The following KHDRBS3 variants were observed in gnomAD, a reference collection of about 807,000 sequenced individuals.
The protein encoded by KHDRBS3 is KH domain-containing, RNA-binding, signal transduction-associated protein 3.
KHDRBS3 carries 23 observed loss-of-function variants against 45.6 expected under a neutral mutation model. The ratio of observed to expected loss-of-function variants is 0.50; its 90% confidence interval spans 0.36 to 0.72. The LOEUF is 0.72. Among genes scored for constraint, KHDRBS3 ranks in the 30% least tolerant of loss-of-function variants. The pLI is 0.00. For synonymous variants in KHDRBS3, 162 were observed against 156.5 expected (o/e 1.04, Z -0.26); for missense variants, 352 against 424.8 (o/e 0.83, Z 1.51).
chr8:135,470,707 T>A (rs1821974555), intron 1 of KHDRBS3, among the ~76,000 whole-genome samples: 1 of 151,854 alleles, frequency 6.6e-6, no homozygotes, highest in African/African-American at 2.4e-5. Context: ...TGCCTCAGCC[T>A]CCCAAGTAGC....
At chr8:135,583,224 C>T (rs1329274882) in intron 6 of KHDRBS3, among the ~76,000 whole-genome samples, 2 of 152,156 alleles carry the variant, frequency 1.3e-5, no homozygotes, top group East Asian at 1.9e-4. Context: ...GCTTTTATCT[C>T]TTTATACTTG....
At position 135,458,201 on chromosome 8, in the gene KHDRBS3, T is replaced by C. The variant is rs532210711; in HGVS notation, c.88+247T>C. Reference sequence around the variant, plus strand: ...GCGCATGGGTGAGACTTGAAGGAAATCTTTGGGGACTCGGGCACACCCAGG... The same window carrying C: ...GCGCATGGGTGAGACTTGAAGGAAACCTTTGGGGACTCGGGCACACCCAGG... On this transcript the variant is annotated intron_variant, in intron 1 of 8. Transcript: ENST00000355849. 13 of 1,277,356 alleles carry C rather than the reference T, an allele frequency of 1.0e-5. No homozygotes were observed. In the South Asian group the frequency reaches 2.3e-4, roughly 22 times the overall value. 79.1% of individuals were successfully genotyped at this position (1,277,356 alleles called of 1,614,324 possible).
At position 135,613,279 on chromosome 8, in the gene KHDRBS3, G is replaced by A. The variant is rs550000313; in HGVS notation, c.890+6242G>A. Among the ~76,000 whole-genome samples the A allele has an allele frequency of 4.6e-5, 7 of 151,888 alleles. No homozygotes were observed. The East Asian group carries it at 1.2e-3, about 25-fold the overall frequency. ...CGGTGCCACAGTGGTTAAGTCTGACGGACCTATGGTCAGACGCCAACTTTA... is the reference window on the plus strand; with the variant it reads ...CGGTGCCACAGTGGTTAAGTCTGACAGACCTATGGTCAGACGCCAACTTTA... On this transcript the variant is annotated intron_variant, in intron 7 of 8. Coordinates refer to ENST00000355849, the MANE Select transcript of KHDRBS3 (RefSeq NM_006558.3).
chr8:135,582,052 A>C lies in KHDRBS3; in HGVS notation c.786A>C (p.Thr262=), dbSNP rs1828242550. ...ACAGACCTCCACCGCCACCCCCGAC[A>C]CAAGAGACTTATGGAGAATATGTAA... ...TGYRPPPPPP[T]QETYGEYDYD... is the part of the protein sequence containing the mutation. The change falls in exon 6 of 9, where the codon ACA becomes ACC. Residue 262 remains threonine, a synonymous_variant. Coordinates refer to ENST00000355849, the MANE Select transcript of KHDRBS3 (RefSeq NM_006558.3). The C allele has an allele frequency of 6.3e-7, 1 of 1,580,398 alleles. No homozygotes were observed. Among genetic ancestry groups the C allele is most frequent in the Admixed American group, 1.8e-5 (1 of 56,790 alleles).
At chr8:135,595,072 A>T (rs187063782) in intron 6 of KHDRBS3, among the ~76,000 whole-genome samples, 2 of 152,362 alleles carry the variant, frequency 1.3e-5, no homozygotes, top group Admixed American at 1.3e-4. Context: ...TGAATCTCAC[A>T]AACATAATAC....
chr8:135,593,332 T>C (rs930427291), intron 6 of KHDRBS3: 2 of 152,232 alleles, frequency 1.3e-5, no homozygotes, highest in South Asian at 2.1e-4. Flanking sequence ...TTTTAGGTGG[T>C]CAATCTGTTA....
chr8:135,612,656 G>A (rs376260896), intron 7 of KHDRBS3, among the ~76,000 whole-genome samples: 1 of 151,850 alleles, frequency 6.6e-6, no homozygotes, highest in African/African-American at 2.4e-5. Context: ...TTATAGTTCA[G>A]TATTAGTGAA....
intron 7 of KHDRBS3, among the ~76,000 whole-genome samples, chr8:135,619,869 C>T (rs1830067374): frequency 6.6e-6 from 1 of 152,112 alleles, no homozygotes; most frequent in South Asian, 2.1e-4. Flanking sequence ...AAACTGGTTA[C>T]AAAGGGGTGT....
intron 1 of KHDRBS3, among the ~76,000 whole-genome samples, chr8:135,520,672 A>AGAT (rs1824860684): frequency 6.6e-6 from 1 of 152,244 alleles, no homozygotes. Context: ...AAGGAGATGA[A>AGAT]GATGAAATCA....
intron 1 of KHDRBS3, among the ~76,000 whole-genome samples, chr8:135,467,789 A>G (rs535768088): frequency 2.6e-5 from 4 of 152,330 alleles, no homozygotes; most frequent in South Asian, 2.1e-4. Flanking sequence ...TGAAGTTACT[A>G]CTTTCCTTTG....
At chr8:135,576,026 A>G (rs1827931400) in intron 5 of KHDRBS3, among the ~76,000 whole-genome samples, 1 of 152,102 alleles carries the variant, frequency 6.6e-6, no homozygotes, top group Non-Finnish European at 1.5e-5. Context: ...AGGAGTACTA[A>G]TCAGGTTTTT....
At chr8:135,611,528 G>A (rs4573318) in intron 7 of KHDRBS3, among the ~76,000 whole-genome samples, 117,545 of 151,604 alleles carry the variant, frequency 0.78, 46,071 homozygotes, top group South Asian at 0.86. Flanking sequence ...ATAATAAAAC[G>A]CTCCAGTCTT....
chr8:135,644,772 C>T (rs1831212172), intron 7 of KHDRBS3, among the ~76,000 whole-genome samples: 1 of 152,188 alleles, frequency 6.6e-6, no homozygotes, highest in South Asian at 2.1e-4. Context: ...CTTTGTATTC[C>T]CTCGTGCACT....
intron 2 of KHDRBS3, among the ~76,000 whole-genome samples, chr8:135,529,052 T>C (rs971202703): frequency 2.0e-5 from 3 of 152,196 alleles, no homozygotes; most frequent in Admixed American, 1.3e-4. Context: ...ATTTAGTTAC[T>C]ATGAGTCACT....
chr8:135,623,994 T>C (rs1161041486), intron 7 of KHDRBS3, among the ~76,000 whole-genome samples: 1 of 152,230 alleles, frequency 6.6e-6, no homozygotes, highest in African/African-American at 2.4e-5. Flanking sequence ...ATTTTAAATA[T>C]TAATTTTTAG....
At chr8:135,510,571 A>G (rs971653782) in intron 1 of KHDRBS3, among the ~76,000 whole-genome samples, 1 of 152,078 alleles carries the variant, frequency 6.6e-6, no homozygotes, top group African/African-American at 2.4e-5. Context: ...AGTAGCTGGG[A>G]CTATAGGCAC....
chr8:135,588,408 A>G (rs1195966832), intron 6 of KHDRBS3, among the ~76,000 whole-genome samples: 2 of 152,100 alleles, frequency 1.3e-5, no homozygotes, highest in Non-Finnish European at 2.9e-5. Flanking sequence ...AGGCGCTCCA[A>G]ACCCCTTCAG....
At chr8:135,641,575 T>A (rs1226722498) in intron 7 of KHDRBS3, among the ~76,000 whole-genome samples, 3 of 152,218 alleles carry the variant, frequency 2.0e-5, no homozygotes, top group Non-Finnish European at 4.4e-5. Context: ...TGAGAAATTA[T>A]GTTGACTACT....
intron 5 of KHDRBS3, among the ~76,000 whole-genome samples, chr8:135,565,345 C>CT (rs1827363188): frequency 6.6e-6 from 1 of 152,178 alleles, no homozygotes; most frequent in Non-Finnish European, 1.5e-5. Context: ...CCTGGTTATA[C>CT]TTTTACACAT....
Sources: allele counts gnomAD v4.1 joint callset (sites outside exome capture counted in the v4.1 genomes callset), GRCh38; gene constraint gnomAD v4.1.1; transcripts MANE v1.5; gene names NCBI Gene and HGNC (gene_info 2026-07-23, HGNC 2026-07-21).